The following NTN4 variants were observed in gnomAD, a reference collection of about 807,000 sequenced individuals.
The protein encoded by NTN4 is netrin-4.
In NTN4, 32 loss-of-function variants were observed where a neutral mutation model predicts 73.6. The ratio of observed to expected loss-of-function variants is 0.44; its 90% CI spans 0.33 to 0.58. NTN4 has a LOEUF of 0.58. NTN4 is among the 20% of genes least tolerant of loss of function. The pLI is 0.04. For missense variants in NTN4, 654 were observed against 798.3 expected (o/e 0.82, Z 2.18); for synonymous variants, 258 against 287.5 (o/e 0.90, Z 1.04).
chr12:95,705,085 A>G (rs1397864208), intron 5 of NTN4, among the ~76,000 whole-genome samples: 1 of 152,226 alleles, frequency 6.6e-6, no homozygotes, highest in Admixed American at 6.5e-5. Flanking sequence ...AGCTGAATCC[A>G]TAACAACATA....
At chr12:95,717,296 C>G (rs1389392694) in intron 3 of NTN4, among the ~76,000 whole-genome samples, 17 of 152,174 alleles carry the variant, frequency 1.1e-4, no homozygotes, top group Admixed American at 1.1e-3. Flanking sequence ...CCACAAATCT[C>G]AGGCCTCAGG....
intron 7 of NTN4, among the ~76,000 whole-genome samples, chr12:95,678,697 C>T (rs1324950863): frequency 1.3e-5 from 2 of 152,022 alleles, no homozygotes; most frequent in Non-Finnish European, 2.9e-5. Flanking sequence ...TGATGGCCTA[C>T]ATTAGAAAAT....
chr12:95,662,787 T>C (rs976920944), intron 9 of NTN4, among the ~76,000 whole-genome samples: 1 of 152,168 alleles, frequency 6.6e-6, no homozygotes, highest in Non-Finnish European at 1.5e-5. Flanking sequence ...AATAATAAAC[T>C]CCTCATTTAA....
intron 8 of NTN4, among the ~76,000 whole-genome samples, chr12:95,668,502 A>G (rs1196524036): frequency 6.6e-6 from 1 of 152,218 alleles, no homozygotes; most frequent in African/African-American, 2.4e-5. Context: ...GCCAAGTTAG[A>G]AAGTAGAGAG....
At chr12:95,769,239 A>G (rs577128086) in intron 2 of NTN4, among the ~76,000 whole-genome samples, 3 of 152,262 alleles carry the variant, frequency 2.0e-5, no homozygotes, top group Admixed American at 2.0e-4. Flanking sequence ...AGTGAGATTG[A>G]GCTGGGATTG....
rs1449813753 is a variant in NTN4, at chr12:95,790,189, G to A, written c.55+66C>T. 15 of 1,415,962 alleles carry A rather than the reference G, an allele frequency of 1.1e-5. No individual in the cohort carries two copies. Among genetic ancestry groups the A allele is most frequent in the Non-Finnish European group, 1.4e-5 (15 of 1,045,978 alleles). The allele number at this position is 1,415,962 out of a possible 1,614,324, so 87.7% of individuals were successfully genotyped here. A position where few individuals can be genotyped will look rare whatever the true frequency, so the allele number is the denominator to read the frequency against. The stretch of plus-strand genomic sequence containing the variant: ...GCAGCCCTGGCTCCCCTGCACCCCC[G>A]AGTCCCGAGATGGGTTAGAGAAGCA... On this transcript the variant is annotated intron_variant, in intron 1 of 9. Transcript: ENST00000343702. This position sits in a 1 kb window ranked among gnomAD's most constrained non-coding sequence, Gnocchi z 6.5.
intron 8 of NTN4, 116 bp downstream of exon 8, chr12:95,669,962 A>T (rs2078214771): frequency 1.7e-6 from 1 of 577,884 alleles, no homozygotes; most frequent in African/African-American, 1.9e-5. Context: ...TGTAAGACTA[A>T]TGCTTTGTGC....
chr12:95,674,383 A>G (rs1040921180), intron 7 of NTN4, among the ~76,000 whole-genome samples: 1 of 152,188 alleles, frequency 6.6e-6, no homozygotes, highest in Non-Finnish European at 1.5e-5. Flanking sequence ...GCTGCTTTCC[A>G]ATACTTCTTT....
chr12:95,668,655 C>T (rs1007274451), intron 8 of NTN4, among the ~76,000 whole-genome samples: 1 of 152,196 alleles, frequency 6.6e-6, no homozygotes, highest in Admixed American at 6.5e-5. Flanking sequence ...ATTTTCTCCT[C>T]ATTGTAGTGT....
chr12:95,668,143 GTT>G (rs36080777), intron 8 of NTN4, among the ~76,000 whole-genome samples: 8 of 136,264 alleles, frequency 5.9e-5, no homozygotes, highest in African/African-American at 1.3e-4. Context: ...TAAGTCAAGT[GTT>G]TTTTTTTTTT....
intron 5 of NTN4, among the ~76,000 whole-genome samples, chr12:95,695,441 T>C (rs1190732839): frequency 1.3e-5 from 2 of 152,124 alleles, no homozygotes; most frequent in Admixed American, 6.5e-5. Context: ...CTTGGTTTAC[T>C]GCAACCTCCA....
intron 2 of NTN4, among the ~76,000 whole-genome samples, chr12:95,767,380 CAAAAA>C (rs36103752): frequency 2.0e-5 from 3 of 151,800 alleles, no homozygotes; most frequent in African/African-American, 7.3e-5. Context: ...AAATTTCTCA[CAAAAA>C]AAAGTTTATT....
At chr12:95,736,365 G>A (rs2078777656) in intron 3 of NTN4, among the ~76,000 whole-genome samples, 2 of 152,088 alleles carry the variant, frequency 1.3e-5, no homozygotes, top group Admixed American at 1.3e-4. Flanking sequence ...CATGTTATGG[G>A]GGCCTCTGTC....
At chr12:95,678,040 C>T (rs866279127) in intron 7 of NTN4, among the ~76,000 whole-genome samples, 12 of 152,080 alleles carry the variant, frequency 7.9e-5, no homozygotes, top group African/African-American at 2.7e-4. Flanking sequence ...TTTGCAGGGA[C>T]GTGGATGAAG....
chr12:95,674,597 G>A (rs1456482067), intron 7 of NTN4, among the ~76,000 whole-genome samples: 2 of 152,084 alleles, frequency 1.3e-5, no homozygotes, highest in African/African-American at 2.4e-5. Context: ...TTTACATCTG[G>A]TATAAGAAGT....
intron 2 of NTN4, among the ~76,000 whole-genome samples, chr12:95,744,253 A>G (rs957158793): frequency 1.5e-4 from 23 of 152,296 alleles, no homozygotes; most frequent in Middle Eastern, 3.4e-3. Flanking sequence ...TTATCAGTGT[A>G]TGTCCCTTTT....
At chr12:95,693,661 G>T (rs562631465) in intron 5 of NTN4, among the ~76,000 whole-genome samples, 180 of 149,638 alleles carry the variant, frequency 1.2e-3, no homozygotes, top group Non-Finnish European at 2.3e-3. Flanking sequence ...AACCTGGGAA[G>T]CGGAGGCTGC....
intron 2 of NTN4, among the ~76,000 whole-genome samples, chr12:95,752,386 C>T (rs1231746159): frequency 6.6e-6 from 1 of 150,656 alleles, no homozygotes; most frequent in African/African-American, 2.4e-5. Flanking sequence ...CCTGCCTCTA[C>T]AACCCATTAT....
chr12:95,736,995 G>A (rs2078782783), intron 3 of NTN4, among the ~76,000 whole-genome samples: 1 of 152,104 alleles, frequency 6.6e-6, no homozygotes, highest in South Asian at 2.1e-4. Context: ...TTTTGCTTTG[G>A]TTTGCTCAGA....
Sources: allele counts gnomAD v4.1 joint callset (sites outside exome capture counted in the v4.1 genomes callset), GRCh38; gene constraint gnomAD v4.1.1; non-coding constraint Gnocchi (gnomAD v3.1); transcripts MANE v1.5; gene names NCBI Gene and HGNC (gene_info 2026-07-23, HGNC 2026-07-21).